Variants in MIR2052HG observed in about 807,000 individuals in gnomAD.
The protein encoded by MIR2052HG is MIR2052 host gene.
chr8:74,633,589 C>T (rs1187561899), intron 2 of MIR2052HG, among the ~76,000 whole-genome samples: 3 of 152,200 alleles, frequency 2.0e-5, no homozygotes, highest in Non-Finnish European at 4.4e-5. Flanking sequence ...ATTGTCATGT[C>T]ACTTGCATGA....
At chr8:74,732,103 C>T (rs1809698515) in intron 4 of MIR2052HG, among the ~76,000 whole-genome samples, 2 of 152,060 alleles carry the variant, frequency 1.3e-5, no homozygotes, top group African/African-American at 4.8e-5. Flanking sequence ...GTAGCTTCAA[C>T]CAACCATGAA....
chr8:74,702,829 C>T (rs1266078659), intron 3 of MIR2052HG, among the ~76,000 whole-genome samples: 1 of 152,018 alleles, frequency 6.6e-6, no homozygotes, highest in Non-Finnish European at 1.5e-5. Flanking sequence ...AATTCCTTGG[C>T]ATGATGTATA....
chr8:74,631,650 C>T (rs28485658), intron 2 of MIR2052HG, among the ~76,000 whole-genome samples: 5,894 of 152,274 alleles, frequency 0.039, 390 homozygotes, highest in African/African-American at 0.13. Flanking sequence ...CAAAAACCCT[C>T]TGTCTTAGTT....
intron 4 of MIR2052HG, among the ~76,000 whole-genome samples, chr8:74,736,977 T>G (rs1563543175): frequency 1.3e-5 from 2 of 152,110 alleles, no homozygotes; most frequent in Non-Finnish European, 2.9e-5. Context: ...AGAACTAAAT[T>G]GAAAGGAAAA....
intron 2 of MIR2052HG, among the ~76,000 whole-genome samples, chr8:74,671,376 T>G (rs1336466409): frequency 6.6e-6 from 1 of 152,076 alleles, no homozygotes; most frequent in African/African-American, 2.4e-5. Flanking sequence ...TGAGGTATTT[T>G]TATACATATT....
At chr8:74,735,621 A>G (rs1809737974) in intron 4 of MIR2052HG, among the ~76,000 whole-genome samples, 1 of 152,230 alleles carries the variant, frequency 6.6e-6, no homozygotes, top group Non-Finnish European at 1.5e-5. Context: ...GAAGTTTGAC[A>G]GAAAGAATAT....
At chr8:74,734,543 TC>T (rs1419386433) in intron 4 of MIR2052HG, among the ~76,000 whole-genome samples, 1 of 152,202 alleles carries the variant, frequency 6.6e-6, no homozygotes, top group Admixed American at 6.5e-5. Context: ...AGGGAGCATT[TC>T]AAAACAAAGC....
At chr8:74,677,636 A>C (rs1282666467) in intron 2 of MIR2052HG, among the ~76,000 whole-genome samples, 1 of 152,168 alleles carries the variant, frequency 6.6e-6, no homozygotes, top group Non-Finnish European at 1.5e-5. Flanking sequence ...ACTATGAAGA[A>C]CTGGATGATG....
chr8:74,615,153 C>G (rs1190492974), intron 2 of MIR2052HG: 4 of 152,194 alleles, frequency 2.6e-5, no homozygotes, highest in Admixed American at 2.6e-4. Flanking sequence ...AGGAAGCCAG[C>G]TGTGTGGGTT....
chr8:74,665,157 G>A (rs564166010), intron 2 of MIR2052HG, among the ~76,000 whole-genome samples: 18 of 152,052 alleles, frequency 1.2e-4, no homozygotes, highest in Middle Eastern at 3.4e-3. Flanking sequence ...CCAGAACACC[G>A]CCATATTTTT....
At chr8:74,708,214 C>T (rs1316999686) in intron 4 of MIR2052HG, among the ~76,000 whole-genome samples, 1 of 152,156 alleles carries the variant, frequency 6.6e-6, no homozygotes, top group Non-Finnish European at 1.5e-5. Flanking sequence ...TTAATATCCT[C>T]TGCCAAAGGA....
intron 2 of MIR2052HG, among the ~76,000 whole-genome samples, chr8:74,681,682 GC>G (rs550788739): frequency 4.4e-4 from 67 of 152,160 alleles, no homozygotes; most frequent in African/African-American, 1.5e-3. Context: ...GACAAGTTTG[GC>G]CCCCGTTTGC....
chr8:74,687,596 C>G (rs79181316), intron 2 of MIR2052HG, among the ~76,000 whole-genome samples: 1 of 152,086 alleles, frequency 6.6e-6, no homozygotes, highest in Non-Finnish European at 1.5e-5. Context: ...GGTGAATATA[C>G]TGCCTGATTC....
intron 1 of MIR2052HG, among the ~76,000 whole-genome samples, chr8:74,609,502 T>C (rs553829587): frequency 2.6e-5 from 4 of 151,764 alleles, no homozygotes; most frequent in Middle Eastern, 3.4e-3. Context: ...AGGAAGAAAA[T>C]TGCATGCCAA....
intron 2 of MIR2052HG, among the ~76,000 whole-genome samples, chr8:74,642,859 T>C (rs1488981473): frequency 1.3e-5 from 2 of 152,150 alleles, no homozygotes; most frequent in Non-Finnish European, 2.9e-5. Flanking sequence ...GTGTCCAGCA[T>C]GGGTAGCATT....
chr8:74,639,167 G>C (rs1808612991), intron 2 of MIR2052HG, among the ~76,000 whole-genome samples: 1 of 152,126 alleles, frequency 6.6e-6, no homozygotes, highest in Admixed American at 6.6e-5. Context: ...TTTGTCATGG[G>C]TGATCTTGGT....
intron 2 of MIR2052HG, among the ~76,000 whole-genome samples, chr8:74,651,500 T>C (rs1157888540): frequency 2.0e-5 from 3 of 152,152 alleles, no homozygotes; most frequent in Non-Finnish European, 4.4e-5. Context: ...TTGCTTTTTA[T>C]TAAAGAATCT....
intron 1 of MIR2052HG, among the ~76,000 whole-genome samples, chr8:74,606,293 G>C (rs1262006983): frequency 2.6e-5 from 4 of 152,192 alleles, no homozygotes; most frequent in Admixed American, 2.6e-4. Flanking sequence ...CTTGAGGAAG[G>C]GGCTGCCAGT....
At chr8:74,704,548 T>C (rs932054868) in intron 4 of MIR2052HG, among the ~76,000 whole-genome samples, 1 of 152,070 alleles carries the variant, frequency 6.6e-6, no homozygotes, top group African/African-American at 2.4e-5. Flanking sequence ...CCCCTTTTTC[T>C]TTTTACTAAA....
Sources: allele counts gnomAD v4.1 joint callset (sites outside exome capture counted in the v4.1 genomes callset), GRCh38; gene constraint gnomAD v4.1.1; transcripts MANE v1.5; gene names NCBI Gene and HGNC (gene_info 2026-07-23, HGNC 2026-07-21).